Variants in SMUG1 observed in about 807,000 individuals in gnomAD.
SMUG1 encodes the protein single-strand selective monofunctional uracil DNA glycosylase.
Under a neutral mutation model 23.9 loss-of-function variants are expected in SMUG1, and 13 were observed. The observed-to-expected ratio is 0.54, with a 90% confidence interval of 0.35 to 0.86. The LOEUF (loss-of-function observed/expected upper bound fraction) is 0.86. SMUG1 is among the 40% of genes least tolerant of loss of function. The pLI, the probability that SMUG1 is intolerant of heterozygous loss-of-function variation, is 0.01. For missense variants in SMUG1, 313 were observed against 339.5 expected, an observed-to-expected ratio of 0.92 and a Z score of 0.61; for synonymous variants, 133 against 139.8, an observed-to-expected ratio of 0.95 and a Z score of 0.34.
chr12:54,176,507 T>TCCCCTC (rs1555199082), downstream of SMUG1, among the ~76,000 whole-genome samples: 5 of 64,474 alleles, frequency 7.8e-5, no homozygotes, highest in East Asian at 8.7e-4. Context: ...GAAGATCCTG[T>TCCCCTC]CCCCCCCCAA....
At chr12:54,182,930 G>T in intron 3 of SMUG1, 1 of 339,244 alleles carries the variant, frequency 2.9e-6, no homozygotes, top group Non-Finnish European at 5.3e-6. Flanking sequence ...GGTTAGTACT[G>T]GGGACAGACA....
intron 2 of SMUG1, among the ~76,000 whole-genome samples, chr12:54,173,602 G>A (rs972382671): frequency 6.6e-6 from 1 of 152,348 alleles, no homozygotes; most frequent in East Asian, 1.9e-4. Context: ...TCGCCGCGCG[G>A]GCTGGTTATG....
intron 3 of SMUG1, among the ~76,000 whole-genome samples, chr12:54,170,153 G>A (rs1039954989): frequency 3.3e-5 from 5 of 151,024 alleles, no homozygotes; most frequent in African/African-American, 1.2e-4. Context: ...CGGCGAGATC[G>A]CGCCATTGCA....
chr12:54,184,529 C>G (rs537397709), intron 2 of SMUG1, among the ~76,000 whole-genome samples: 10 of 152,326 alleles, frequency 6.6e-5, no homozygotes, highest in Admixed American at 2.0e-4. Flanking sequence ...GGTATTACTG[C>G]TCCCCTGTTA....
chr12:54,164,228 T>G (rs1431313850), downstream of SMUG1, among the ~76,000 whole-genome samples: 33 of 126,150 alleles, frequency 2.6e-4, no homozygotes, highest in East Asian at 4.5e-4. Context: ...GGGGCAGAAA[T>G]GGATGGCAGA....
chr12:54,174,708 C>A (rs1940710462), intron 2 of SMUG1, among the ~76,000 whole-genome samples: 1 of 152,224 alleles, frequency 6.6e-6, no homozygotes, highest in Non-Finnish European at 1.5e-5. Context: ...CCATGGAGGA[C>A]TGTTCTGGGC....
At chr12:54,177,675 C>T (rs115222922), downstream of SMUG1, among the ~76,000 whole-genome samples, 450 of 151,840 alleles carry the variant, frequency 3.0e-3, 4 homozygotes, top group African/African-American at 1.0e-2. Flanking sequence ...AAAACAATGA[C>T]TTTCCTTTCC....
At position 54,180,538 on chromosome 12, in the gene SMUG1, T is replaced by C. The variant is rs1036351742; in HGVS notation, c.*1558A>G. On this transcript the variant is annotated 3_prime_UTR_variant, in exon 4 of 4. Transcript: ENST00000682136. ...CTGCTCTGCTCCCAACTTGGTTCAC[T>C]TTCCCAGCCCTTACCAAAGGGGCAC... The C allele has an allele frequency of 1.3e-5, 2 of 152,176 alleles. No homozygotes were observed. The highest frequency in any genetic ancestry group is 2.9e-5 in the Non-Finnish European group (2 of 68,032). The allele number at this position is 152,176 out of a possible 1,614,324, so 9.4% of individuals were successfully genotyped here.
chr12:54,180,326 T>G (rs765910233), downstream of SMUG1: 1 of 152,214 alleles, frequency 6.6e-6, no homozygotes, highest in African/African-American at 2.4e-5. Context: ...CTCCTATTAC[T>G]TGGGAAATTC....
At chr12:54,177,001 C>G (rs1940776106), downstream of SMUG1, among the ~76,000 whole-genome samples, 1 of 152,152 alleles carries the variant, frequency 6.6e-6, no homozygotes, top group Non-Finnish European at 1.5e-5. Context: ...AATACCATCA[C>G]TAGGCAAAAA....
downstream of SMUG1, among the ~76,000 whole-genome samples, chr12:54,176,676 G>A (rs61921386): frequency 1.5e-4 from 2 of 13,134 alleles, no homozygotes; most frequent in South Asian, 6.4e-3. Context: ...GCGTGGTAGC[G>A]GGCGCCTGTA....
intron 3 of SMUG1, among the ~76,000 whole-genome samples, chr12:54,170,267 A>C (rs991064375): frequency 6.6e-6 from 1 of 152,120 alleles, no homozygotes; most frequent in Non-Finnish European, 1.5e-5. Context: ...CAAAGCAGTA[A>C]AGGTGAACTA....
intron 3 of SMUG1, 93 bp from the exon 4 acceptor site, chr12:54,182,716 A>T: frequency 6.6e-7 from 1 of 1,512,990 alleles, no homozygotes; most frequent in East Asian, 2.3e-5. Context: ...TTACATGAGG[A>T]TCCAGCCTGC....
Position 54,181,882 on chromosome 12 carries a change from G to C in SMUG1, c.*214C>G. Reference sequence around the variant, plus strand: ...CCCCTGAAAGGGGCAATGTTAAAAGGTAAAGAAAGCAGGAATCAGGAGGGC... The same window carrying C: ...CCCCTGAAAGGGGCAATGTTAAAAGCTAAAGAAAGCAGGAATCAGGAGGGC... On this transcript the variant is annotated 3_prime_UTR_variant, in exon 4 of 4. Transcript: ENST00000682136. 1 of 1,424,736 alleles carries C rather than the reference G, an allele frequency of 7.0e-7. No individual in the cohort carries two copies. The highest frequency in any genetic ancestry group is 9.1e-7 in the Non-Finnish European group (1 of 1,094,496). The allele number at this position is 1,424,736 out of a possible 1,614,324, so 88.3% of individuals were successfully genotyped here. A position where few individuals can be genotyped will look rare whatever the true frequency, so the allele number is the denominator to read the frequency against.
chr12:54,160,184 A>G (rs1940201357), downstream of SMUG1, among the ~76,000 whole-genome samples: 2 of 152,222 alleles, frequency 1.3e-5, no homozygotes, highest in Non-Finnish European at 2.9e-5. Flanking sequence ...AAGAAGAAAG[A>G]GAAAAGAGGA....
At chr12:54,167,355 A>G (rs141075356) in intron 3 of SMUG1, among the ~76,000 whole-genome samples, 1 of 152,330 alleles carries the variant, frequency 6.6e-6, no homozygotes, top group African/African-American at 2.4e-5. Flanking sequence ...GCTCTTTCCC[A>G]GAGGGAAAAC....
intron 3 of SMUG1, chr12:54,168,367 G>C (rs1030420070): frequency 6.6e-6 from 1 of 152,184 alleles, no homozygotes; most frequent in African/African-American, 2.4e-5. Flanking sequence ...AGAGCCAGCA[G>C]CATTGGCATC....
intron 2 of SMUG1, among the ~76,000 whole-genome samples, chr12:54,173,449 G>A (rs1371757464): frequency 1.3e-5 from 2 of 151,752 alleles, no homozygotes; most frequent in Admixed American, 1.3e-4. Context: ...CGGGAGCGGG[G>A]CGGGCGCAGC....
At chr12:54,185,478 AAAATAAAAAATAAAT>A (rs1942150725) in intron 2 of SMUG1, among the ~76,000 whole-genome samples, 1 of 76,156 alleles carries the variant, frequency 1.3e-5, no homozygotes, top group African/African-American at 4.4e-5. Flanking sequence ...AAAAAAAAAT[AAAATAAAAAATAAAT>A]AAATAAATAA....
Sources: allele counts gnomAD v4.1 joint callset (sites outside exome capture counted in the v4.1 genomes callset), GRCh38; gene constraint gnomAD v4.1.1; transcripts MANE v1.5; gene names NCBI Gene and HGNC (gene_info 2026-07-23, HGNC 2026-07-21).